Variants in DGKB observed in about 807,000 individuals in gnomAD.
DGKB encodes the protein 90 kDa diacylglycerol kinase.
In DGKB, 67 loss-of-function variants were observed where a neutral mutation model predicts 114.3. The observed-to-expected ratio is 0.59, with a 90% CI of 0.48 to 0.72. The LOEUF (loss-of-function observed/expected upper bound fraction) is 0.72. DGKB is among the 30% of genes least tolerant of loss of function. The pLI, the probability that DGKB is intolerant of heterozygous loss-of-function variation, is 0.00. For missense variants in DGKB, 907 were observed against 975.2 expected (o/e 0.93, Z 0.93); for synonymous variants, 398 against 323.1 (o/e 1.23, Z -2.49).
chr7:14,446,383 A>G (rs544274042), intron 21 of DGKB, among the ~76,000 whole-genome samples: 1 of 152,250 alleles, frequency 6.6e-6, no homozygotes, highest in African/African-American at 2.4e-5. Context: ...TCTTTCATCA[A>G]TTGCTCTGTT....
At chr7:14,410,503 G>A (rs999026549) in intron 21 of DGKB, among the ~76,000 whole-genome samples, 12 of 151,878 alleles carry the variant, frequency 7.9e-5, no homozygotes, top group Admixed American at 7.9e-4. Context: ...ATATTTCCAA[G>A]CACATTTCTT....
At chr7:14,582,029 TTTC>T (rs1464460326) in intron 18 of DGKB, among the ~76,000 whole-genome samples, 1 of 152,204 alleles carries the variant, frequency 6.6e-6, no homozygotes, top group African/African-American at 2.4e-5. Flanking sequence ...AACATGTATT[TTTC>T]TTATTTTGAA....
intron 13 of DGKB, among the ~76,000 whole-genome samples, chr7:14,667,117 C>T (rs1818174418): frequency 6.6e-6 from 1 of 151,976 alleles, no homozygotes. Context: ...GAGATGCTTA[C>T]CTTGCTAATC....
chr7:14,758,552 T>C (rs756309449), intron 2 of DGKB, among the ~76,000 whole-genome samples: 3 of 152,056 alleles, frequency 2.0e-5, no homozygotes, highest in Non-Finnish European at 2.9e-5. Context: ...TGAATAATAA[T>C]GAAAAAACCT....
chr7:14,670,189 TC>T (rs1207950381), intron 13 of DGKB, among the ~76,000 whole-genome samples: 1 of 151,876 alleles, frequency 6.6e-6, no homozygotes, highest in Non-Finnish European at 1.5e-5. Context: ...TCTCCTCACA[TC>T]TCCTCATATA....
chr7:14,878,696 C>T lies in DGKB; in HGVS notation c.-188+23896G>A, dbSNP rs534027388. ...CCCGGGAGGCGGAGCTTGCAGTGAG[C>T]CGAGATTGGGCCACTGCCCTCCAGC... On this transcript the variant is annotated intron_variant, in intron 1 of 25. Coordinates refer to ENST00000402815, the MANE Select transcript of DGKB (RefSeq NM_001350709.2). Among the ~76,000 whole-genome samples, 4 of 147,428 alleles carry T rather than the reference C, an allele frequency of 2.7e-5. No individual in the cohort carries two copies. In the South Asian group the frequency reaches 6.3e-4, roughly 23 times the overall value.
intron 1 of DGKB, among the ~76,000 whole-genome samples, chr7:14,890,460 A>G (rs217583): frequency 0.12 from 17,848 of 151,416 alleles, 1,473 homozygotes; most frequent in Non-Finnish European, 0.18. Context: ...ATTTACTTCC[A>G]TGGAAAAATG....
chr7:14,878,768 A>AAC (rs1397059650), intron 1 of DGKB, among the ~76,000 whole-genome samples: 1 of 147,418 alleles, frequency 6.8e-6, no homozygotes, highest in Admixed American at 6.8e-5. Flanking sequence ...AAAAAAAAAA[A>AAC]CAAAAAAAAA....
chr7:14,376,809 A>C (rs930774259), intron 21 of DGKB, among the ~76,000 whole-genome samples: 2 of 152,172 alleles, frequency 1.3e-5, no homozygotes, highest in Non-Finnish European at 2.9e-5. Context: ...ATTTCCACAG[A>C]GGCAGATTAG....
In DGKB at chr7:14,148,810, G is replaced by C. The variant is rs534769723; in HGVS notation, c.*321C>G. The stretch of plus-strand genomic sequence containing the variant: ...TGGTATTTCCTTTTTCATGTTTCAC[G>C]GGTTTTTCTCACAGGTTAGTAAAAG... On this transcript the variant is annotated 3_prime_UTR_variant, in exon 26 of 26. Coordinates refer to ENST00000402815, the MANE Select transcript of DGKB (RefSeq NM_001350709.2). 2 of 346,828 alleles carry C rather than the reference G, an allele frequency of 5.8e-6. No homozygotes were observed. The highest frequency in any genetic ancestry group is 4.4e-5 in the African/African-American group (2 of 45,610). The allele number at this position is 346,828 out of a possible 1,614,324, so 21.5% of individuals were successfully genotyped here. A position where few individuals can be genotyped will look rare whatever the true frequency, so the allele number is the denominator to read the frequency against.
intron 1 of DGKB, among the ~76,000 whole-genome samples, chr7:14,912,079 A>G (rs1343560795): frequency 6.6e-6 from 1 of 152,160 alleles, no homozygotes; most frequent in African/African-American, 2.4e-5. Context: ...TTCTTTGAAT[A>G]CAATTTTATT....
At chr7:14,921,180 G>C (rs1413364739) in intron 1 of DGKB, among the ~76,000 whole-genome samples, 1 of 152,110 alleles carries the variant, frequency 6.6e-6, no homozygotes, top group African/African-American at 2.4e-5. Flanking sequence ...AGGGAGAGGG[G>C]AAGTGGTGAG....
chr7:14,275,336 A>C (rs904680297), intron 23 of DGKB, among the ~76,000 whole-genome samples: 2 of 152,192 alleles, frequency 1.3e-5, no homozygotes, highest in African/African-American at 4.8e-5. Flanking sequence ...TTTTGTATGA[A>C]TATTTCTTGA....
At chr7:14,264,447 C>T (rs1797208845) in intron 23 of DGKB, among the ~76,000 whole-genome samples, 1 of 151,972 alleles carries the variant, frequency 6.6e-6, no homozygotes. Flanking sequence ...TTTTTTTAGG[C>T]AGAGGTCCTA....
At chr7:14,549,412 T>A (rs79913860) in intron 20 of DGKB, among the ~76,000 whole-genome samples, 7,137 of 152,028 alleles carry the variant, frequency 0.047, 253 homozygotes, top group East Asian at 0.2. Context: ...ATATTTTTTT[T>A]TAAAAAATTG....
chr7:14,680,011 T>G (rs2128963575), intron 12 of DGKB, among the ~76,000 whole-genome samples: 1 of 152,102 alleles, frequency 6.6e-6, no homozygotes, highest in Non-Finnish European at 1.5e-5. Context: ...TTTAAAAATT[T>G]GCACAAGTTG....
intron 23 of DGKB, among the ~76,000 whole-genome samples, chr7:14,317,459 G>A (rs1168623172): frequency 1.4e-3 from 206 of 150,716 alleles, no homozygotes; most frequent in Non-Finnish European, 2.3e-3. Context: ...AAATCAATGT[G>A]CAAAAATCAC....
chr7:14,298,120 G>A (rs1350944946), intron 23 of DGKB, among the ~76,000 whole-genome samples: 1 of 152,120 alleles, frequency 6.6e-6, no homozygotes, highest in Non-Finnish European at 1.5e-5. Flanking sequence ...TGTGAAAATG[G>A]CCATACTGCC....
At chr7:14,817,956 G>A (rs1014050077) in intron 2 of DGKB, among the ~76,000 whole-genome samples, 5 of 151,712 alleles carry the variant, frequency 3.3e-5, no homozygotes, top group South Asian at 4.2e-4. Context: ...ATCAGTAGGC[G>A]TTTCATGTAT....
Sources: gnomAD v4.1 joint callset for allele counts (sites outside exome capture counted in the v4.1 genomes callset) on GRCh38, gnomAD v4.1.1 for gene constraint, MANE v1.5 for transcripts, NCBI Gene and HGNC (gene_info 2026-07-23, HGNC 2026-07-21) for gene names.